Variants in MARCHF1 observed in about 807,000 individuals in gnomAD.
The protein encoded by MARCHF1 is membrane associated ring-CH-type finger 1.
In MARCHF1, 40 loss-of-function variants were observed where a neutral mutation model predicts 54.2. The observed-to-expected ratio is 0.74, with a 90% CI of 0.57 to 0.96. The LOEUF (loss-of-function observed/expected upper bound fraction) is 0.96, where lower values mean the gene tolerates loss of function less well. Ranked by LOEUF, MARCHF1 falls within the 40% of genes least tolerant of loss-of-function variation. The pLI, the probability that MARCHF1 is intolerant of heterozygous loss-of-function variation, is 0.00. For missense variants in MARCHF1, 586 were observed against 656.5 expected (o/e 0.89, Z 1.17); for synonymous variants, 236 against 236.3 (o/e 1.00, Z 0.01).
chr4:164,142,879 A>T (rs958862495), intron 1 of MARCHF1, among the ~76,000 whole-genome samples: 3 of 152,130 alleles, frequency 2.0e-5, no homozygotes, highest in Non-Finnish European at 4.4e-5. Flanking sequence ...ACTCTGAGCT[A>T]CGGGAGGACA....
At chr4:163,677,278 G>A (rs138780920) in intron 5 of MARCHF1, among the ~76,000 whole-genome samples, 78 of 152,040 alleles carry the variant, frequency 5.1e-4, no homozygotes, top group African/African-American at 1.8e-3. Flanking sequence ...AGCTTCCCCC[G>A]TTATCAGAAT....
intron 2 of MARCHF1, among the ~76,000 whole-genome samples, chr4:164,038,678 T>C (rs753869819): frequency 7.9e-5 from 12 of 152,274 alleles, no homozygotes; most frequent in South Asian, 2.1e-4. Flanking sequence ...TGTAGACTGA[T>C]TGTATTTGGC....
chr4:164,330,332 A>G (rs981129266), intron 1 of MARCHF1, among the ~76,000 whole-genome samples: 3 of 152,126 alleles, frequency 2.0e-5, no homozygotes, highest in African/African-American at 7.2e-5. Flanking sequence ...TCCTATAGGC[A>G]ACCAAACCTC....
At chr4:163,706,769 A>G (rs1450547542) in intron 4 of MARCHF1, among the ~76,000 whole-genome samples, 1 of 152,030 alleles carries the variant, frequency 6.6e-6, no homozygotes, top group Admixed American at 6.6e-5. Context: ...TTAAAAAACA[A>G]TGTTCTTAAA....
Position 163,915,534 on chromosome 4 carries a change from A to T in MARCHF1, c.-38-61365T>A, listed in dbSNP as rs576415691. On this transcript the variant is annotated intron_variant, in intron 3 of 9. Transcript: ENST00000514618. ...ATAACTTTAGGTAAAAACTAAAAAA[A>T]TTGAATAAATTGTGGATTTTAATTA... Among the ~76,000 whole-genome samples the T allele has an allele frequency of 1.2e-4, 19 of 152,274 alleles. 1 individual carries two copies. Among genetic ancestry groups the T allele is most frequent in the African/African-American group, 4.6e-4 (19 of 41,570 alleles).
At chr4:164,254,067 C>G (rs1460597885) in intron 1 of MARCHF1, among the ~76,000 whole-genome samples, 1 of 152,054 alleles carries the variant, frequency 6.6e-6, no homozygotes, top group Non-Finnish European at 1.5e-5. Context: ...GAGCAGTTCT[C>G]TATCTTGACT....
intron 1 of MARCHF1, among the ~76,000 whole-genome samples, chr4:164,182,984 G>A (rs755587410): frequency 9.2e-5 from 14 of 152,122 alleles, no homozygotes; most frequent in Non-Finnish European, 1.8e-4. Flanking sequence ...TTAAGCTGAA[G>A]CATTTAAACT....
intron 1 of MARCHF1, among the ~76,000 whole-genome samples, chr4:164,120,505 C>T (rs182693238): frequency 1.3e-5 from 2 of 152,250 alleles, no homozygotes; most frequent in Non-Finnish European, 2.9e-5. Flanking sequence ...ATTTACAGAA[C>T]ATTTCATCCA....
chr4:164,203,336 AG>A (rs1731507614), intron 1 of MARCHF1, among the ~76,000 whole-genome samples: 1 of 152,064 alleles, frequency 6.6e-6, no homozygotes, highest in African/African-American at 2.4e-5. Flanking sequence ...AGAGAGAGGG[AG>A]AAACTTATTT....
intron 3 of MARCHF1, among the ~76,000 whole-genome samples, chr4:163,876,688 C>A (rs557838700): frequency 6.6e-6 from 1 of 152,040 alleles, no homozygotes; most frequent in Non-Finnish European, 1.5e-5. Context: ...GATGGTATTG[C>A]CAAAATAAGG....
At chr4:164,249,344 T>C (rs1733055564) in intron 1 of MARCHF1, among the ~76,000 whole-genome samples, 1 of 152,022 alleles carries the variant, frequency 6.6e-6, no homozygotes, top group African/African-American at 2.4e-5. Context: ...TGATTTTTGA[T>C]GTATGGGAAT....
chr4:163,679,377 A>C (rs1179253959), intron 5 of MARCHF1, among the ~76,000 whole-genome samples: 1 of 152,098 alleles, frequency 6.6e-6, no homozygotes, highest in Non-Finnish European at 1.5e-5. Flanking sequence ...CTGCCACTTA[A>C]CGCTTTTTTA....
At chr4:163,722,115 T>C (rs1370780221) in intron 4 of MARCHF1, among the ~76,000 whole-genome samples, 2 of 152,188 alleles carry the variant, frequency 1.3e-5, no homozygotes, top group South Asian at 2.1e-4. Flanking sequence ...CTTTTAATTG[T>C]GATGTTAGGG....
At chr4:164,259,155 G>A (rs188093557) in intron 1 of MARCHF1, among the ~76,000 whole-genome samples, 40 of 152,190 alleles carry the variant, frequency 2.6e-4, no homozygotes, top group Middle Eastern at 3.4e-3. Context: ...TTTCTATGCT[G>A]TAGAGGCAGA....
intron 1 of MARCHF1, among the ~76,000 whole-genome samples, chr4:164,345,394 C>A (rs1730060228): frequency 6.6e-6 from 1 of 151,862 alleles, no homozygotes; most frequent in Non-Finnish European, 1.5e-5. Flanking sequence ...TGGTGAATCC[C>A]TGTCCTATCT....
chr4:164,038,005 G>GC (rs1754045595), intron 2 of MARCHF1, among the ~76,000 whole-genome samples: 1 of 152,126 alleles, frequency 6.6e-6, no homozygotes, highest in Non-Finnish European at 1.5e-5. Context: ...AATGGGTGTG[G>GC]CCATGAAACT....
intron 1 of MARCHF1, among the ~76,000 whole-genome samples, chr4:164,218,689 G>A (rs777816024): frequency 3.0e-5 from 4 of 133,746 alleles, no homozygotes; most frequent in Non-Finnish European, 4.8e-5. Context: ...ATCACACACC[G>A]GGGCCTGTTG....
chr4:164,101,919 A>C (rs1242228418), intron 2 of MARCHF1, among the ~76,000 whole-genome samples: 63 of 150,974 alleles, frequency 4.2e-4, no homozygotes, highest in African/African-American at 1.5e-3. Context: ...AAGTGCTTAA[A>C]GGAGCTGATG....
intron 1 of MARCHF1, among the ~76,000 whole-genome samples, chr4:164,262,335 C>T (rs1301288133): frequency 2.0e-5 from 3 of 152,060 alleles, no homozygotes; most frequent in Non-Finnish European, 4.4e-5. Flanking sequence ...CCCCACAACA[C>T]CAAACAAGTG....
Sources: allele counts gnomAD v4.1 joint callset (sites outside exome capture counted in the v4.1 genomes callset), GRCh38; gene constraint gnomAD v4.1.1; transcripts MANE v1.5; gene names NCBI Gene and HGNC (gene_info 2026-07-23, HGNC 2026-07-21).